The following NTNG1 variants were observed in gnomAD, a reference collection of about 807,000 sequenced individuals.
NTNG1 encodes netrin G1.
In NTNG1, 16 loss-of-function variants were observed where a neutral mutation model predicts 54.0. The observed-to-expected ratio is 0.30, with a 90% CI of 0.20 to 0.45. The LOEUF is 0.45. NTNG1 is among the 20% of genes least tolerant of loss of function. The pLI is 1.00. For synonymous variants in NTNG1, 255 were observed against 263.1 expected (o/e 0.97, Z 0.30); for missense variants, 530 against 678.7 (o/e 0.78, Z 2.43).
At chr1:107,337,014 A>G (rs1668621096) in intron 3 of NTNG1, among the ~76,000 whole-genome samples, 1 of 151,986 alleles carries the variant, frequency 6.6e-6, no homozygotes. Context: ...TTTTTGCTAT[A>G]CTAATGAAAT....
intron 2 of NTNG1, among the ~76,000 whole-genome samples, chr1:107,167,986 A>G (rs1655934430): frequency 6.6e-6 from 1 of 152,092 alleles, no homozygotes. Context: ...TACAGGATGG[A>G]AGGCATTGGG....
intron 2 of NTNG1, among the ~76,000 whole-genome samples, chr1:107,160,517 T>C (rs1048815685): frequency 2.0e-5 from 3 of 152,146 alleles, no homozygotes; most frequent in Admixed American, 6.6e-5. Context: ...CTATATAATA[T>C]AAGCTATTAT....
At position 107,208,289 on chromosome 1, in the gene NTNG1, G is replaced by A. The variant is rs570224971; in HGVS notation, c.246+59450G>A. On this transcript the variant is annotated intron_variant, in intron 2 of 7. Coordinates refer to ENST00000370068, the MANE Select transcript of NTNG1 (RefSeq NM_001113226.3). Reference sequence around the variant, plus strand: ...CTACTAAAAATACAAAATTAGCTGGGTGTGGTGGCGCAGGCCTGTAATCCC... The same window carrying A: ...CTACTAAAAATACAAAATTAGCTGGATGTGGTGGCGCAGGCCTGTAATCCC... Among the ~76,000 whole-genome samples the A allele has an allele frequency of 2.6e-5, 4 of 152,170 alleles. No individual in the cohort carries two copies. The South Asian group carries it at 8.3e-4, about 32-fold the overall frequency.
intron 2 of NTNG1, among the ~76,000 whole-genome samples, chr1:107,321,727 C>A (rs114505499): frequency 4.3e-4 from 65 of 152,230 alleles, no homozygotes; most frequent in African/African-American, 1.4e-3. Flanking sequence ...TTCATTAGGA[C>A]TCTCCAAGAC....
At chr1:107,270,998 CAG>C (rs1341839105) in intron 2 of NTNG1, among the ~76,000 whole-genome samples, 2 of 151,898 alleles carry the variant, frequency 1.3e-5, no homozygotes, top group Non-Finnish European at 2.9e-5. Context: ...TTATAAGCAA[CAG>C]AAAGTGTTCT....
intron 2 of NTNG1, among the ~76,000 whole-genome samples, chr1:107,223,187 C>T (rs928719090): frequency 1.3e-5 from 2 of 151,846 alleles, no homozygotes; most frequent in Non-Finnish European, 2.9e-5. Flanking sequence ...CAGTTTCTAC[C>T]CTTATTAAAT....
chr1:107,216,133 C>G (rs1013442363), intron 2 of NTNG1, among the ~76,000 whole-genome samples: 23 of 152,044 alleles, frequency 1.5e-4, no homozygotes, highest in Admixed American at 2.0e-4. Context: ...TTGGATGCCC[C>G]TTATTTCTTT....
At chr1:107,303,955 G>C (rs1014905042) in intron 2 of NTNG1, among the ~76,000 whole-genome samples, 1 of 151,714 alleles carries the variant, frequency 6.6e-6, no homozygotes, top group African/African-American at 2.4e-5. Flanking sequence ...GAAGTGCTGG[G>C]ATTACAGGCG....
At chr1:107,404,797 T>G (rs563891864) in intron 4 of NTNG1, among the ~76,000 whole-genome samples, 1 of 152,226 alleles carries the variant, frequency 6.6e-6, no homozygotes, top group Non-Finnish European at 1.5e-5. Context: ...ATCAGGGATG[T>G]GGAGGAGGAA....
At chr1:107,473,372 AC>A (rs1406562663) in intron 7 of NTNG1, among the ~76,000 whole-genome samples, 1 of 152,104 alleles carries the variant, frequency 6.6e-6, no homozygotes, top group Non-Finnish European at 1.5e-5. Context: ...GGAACAAGTG[AC>A]CCCTCAGCTC....
At chr1:107,187,106 C>T (rs1472908593) in intron 2 of NTNG1, among the ~76,000 whole-genome samples, 2 of 152,160 alleles carry the variant, frequency 1.3e-5, no homozygotes, top group South Asian at 2.1e-4. Context: ...GAGAGGCTTG[C>T]CCCTCATTTT....
intron 3 of NTNG1, among the ~76,000 whole-genome samples, chr1:107,378,701 A>T (rs968734148): frequency 2.0e-5 from 3 of 152,204 alleles, no homozygotes; most frequent in Admixed American, 6.5e-5. Context: ...CAGACTACAG[A>T]CAGAGAGGCT....
intron 2 of NTNG1, among the ~76,000 whole-genome samples, chr1:107,252,565 AGACT>A (rs1286701167): frequency 1.3e-5 from 2 of 152,186 alleles, no homozygotes; most frequent in Non-Finnish European, 2.9e-5. Flanking sequence ...TTCTCTTAGC[AGACT>A]GACTTTCTCT....
chr1:107,364,971 A>G (rs10458535), intron 3 of NTNG1, among the ~76,000 whole-genome samples: 14,516 of 152,272 alleles, frequency 0.095, 870 homozygotes, highest in Admixed American at 0.18. Context: ...AATAATTTAT[A>G]TGATGCACAG....
In NTNG1 at chr1:107,480,624, C is replaced by T. The variant is rs201741317; in HGVS notation, c.1404C>T (p.Asp468=). The change falls in exon 8 of 8, where the codon GAC becomes GAT. Residue 468 remains aspartate, a synonymous_variant. Transcript: ENST00000370068. ...CTCATTCTGCAGCGAATGTCTGCGACAACGAGCTCCTGCACTGCCAGAACG... is the reference window on the plus strand; with the variant it reads ...CTCATTCTGCAGCGAATGTCTGCGATAACGAGCTCCTGCACTGCCAGAACG... ...WHYGCQPNVC[D]NELLHCQNGG... 7.8e-5 allele frequency: 116 copies of T among 1,496,042 alleles called. 2 individuals are homozygous for T. The Middle Eastern group carries it at 2.0e-3, about 25-fold the overall frequency. The allele number at this position is 1,496,042 out of a possible 1,614,324, so 92.7% of individuals were successfully genotyped here.
intron 2 of NTNG1, among the ~76,000 whole-genome samples, chr1:107,271,116 T>G (rs927053381): frequency 6.6e-6 from 1 of 152,182 alleles, no homozygotes; most frequent in African/African-American, 2.4e-5. Flanking sequence ...TACAATAACT[T>G]TGTCTATAAA....
chr1:107,165,272 C>T (rs757522312), intron 2 of NTNG1, among the ~76,000 whole-genome samples: 1 of 152,134 alleles, frequency 6.6e-6, no homozygotes, highest in Non-Finnish European at 1.5e-5. Flanking sequence ...AATAAGAGAG[C>T]TGAACATACT....
chr1:107,298,572 T>C (rs981300026), intron 2 of NTNG1, among the ~76,000 whole-genome samples: 1 of 152,052 alleles, frequency 6.6e-6, no homozygotes, highest in African/African-American at 2.4e-5. Flanking sequence ...TCTTACATCT[T>C]TTGACTCTTA....
intron 4 of NTNG1, among the ~76,000 whole-genome samples, chr1:107,399,216 T>A (rs903287290): frequency 1.3e-5 from 2 of 152,182 alleles, no homozygotes; most frequent in Non-Finnish European, 2.9e-5. Context: ...ATTTGCTCCA[T>A]GGACCATTCA....
Sources: gnomAD v4.1 joint callset for allele counts (sites outside exome capture counted in the v4.1 genomes callset) on GRCh38, gnomAD v4.1.1 for gene constraint, MANE v1.5 for transcripts, NCBI Gene and HGNC (gene_info 2026-07-23, HGNC 2026-07-21) for gene names.